Variants in SIMC1 observed in about 807,000 individuals in gnomAD.
The protein encoded by SIMC1 is SUMO interacting motifs containing 1, also known as SUMO-interacting motif-containing protein 1.
SIMC1 carries 55 observed loss-of-function variants against 82.3 expected under a neutral mutation model. The observed-to-expected ratio is 0.67, with a 90% CI of 0.54 to 0.84. SIMC1 has a LOEUF of 0.84. Among genes scored for constraint, SIMC1 ranks in the 40% least tolerant of loss-of-function variants. The probability of loss-of-function intolerance (pLI) is 0.00; values close to 1 mark genes in which losing one functional copy is unlikely to be tolerated. For synonymous variants in SIMC1, 353 were observed against 426.3 expected (o/e 0.83, Z 2.12); for missense variants, 915 against 1,107.2 (o/e 0.83, Z 2.46).
intron 7 of SIMC1, among the ~76,000 whole-genome samples, chr5:176,336,141 G>A (rs1337788407): frequency 6.6e-6 from 1 of 151,980 alleles, no homozygotes; most frequent in Non-Finnish European, 1.5e-5. Flanking sequence ...GAAAGAAAGA[G>A]AGAAATACCT....
Position 176,336,888 on chromosome 5 carries a change from C to T in SIMC1, c.2328+12C>T. 1 of 1,613,840 alleles carries T rather than the reference C, an allele frequency of 6.2e-7. No homozygotes were observed. Among genetic ancestry groups the T allele is most frequent in the Non-Finnish European group, 8.5e-7 (1 of 1,179,832 alleles). On this transcript the variant is annotated intron_variant, in intron 8 of 9. Transcript: ENST00000429602. ...TGCTCAAGTGTCAGGTACATTTTTT[C>T]CTGCCCAATTTCAGGCCTAGAGCAC...
intron 7 of SIMC1, among the ~76,000 whole-genome samples, chr5:176,330,089 T>C (rs1349389730): frequency 1.3e-5 from 2 of 152,032 alleles, no homozygotes; most frequent in South Asian, 2.1e-4. Context: ...TCTTTGTTTT[T>C]AAATTCCAGT....
At chr5:176,242,741 C>T (rs1761314595) in intron 1 of SIMC1, among the ~76,000 whole-genome samples, 1 of 152,020 alleles carries the variant, frequency 6.6e-6, no homozygotes, top group South Asian at 2.1e-4. Context: ...CTAGTCACCC[C>T]TAGGTATTGT....
At chr5:176,287,891 TAGAG>T (rs1581257084) in intron 1 of SIMC1, among the ~76,000 whole-genome samples, 1 of 151,996 alleles carries the variant, frequency 6.6e-6, no homozygotes, top group Non-Finnish European at 1.5e-5. Context: ...TTCTTGAGGA[TAGAG>T]AGAGAGGTTT....
chr5:176,343,466 T>G (rs1329066378), intron 9 of SIMC1, among the ~76,000 whole-genome samples: 4 of 152,228 alleles, frequency 2.6e-5, no homozygotes, highest in Non-Finnish European at 5.9e-5. Flanking sequence ...GCCTGTAGAT[T>G]TGGGATGAGA....
intron 5 of SIMC1, among the ~76,000 whole-genome samples, chr5:176,321,397 C>T (rs187946616): frequency 2.6e-5 from 4 of 151,358 alleles, no homozygotes; most frequent in East Asian, 1.9e-4. Context: ...GAGCCGAGAT[C>T]GCACCACTGC....
chr5:176,343,297 A>G (rs1002506162), intron 9 of SIMC1, among the ~76,000 whole-genome samples: 21 of 152,208 alleles, frequency 1.4e-4, no homozygotes, highest in African/African-American at 4.8e-4. Context: ...TGAAAGTGCC[A>G]TCATCCCCGT....
chr5:176,279,857 G>T (rs1290615796), intron 1 of SIMC1, among the ~76,000 whole-genome samples: 1 of 152,082 alleles, frequency 6.6e-6, no homozygotes, highest in East Asian at 1.9e-4. Flanking sequence ...TGTAATCTCT[G>T]TTCTTTTACA....
intron 1 of SIMC1, among the ~76,000 whole-genome samples, chr5:176,269,949 G>T (rs1272193273): frequency 2.0e-5 from 3 of 151,578 alleles, no homozygotes; most frequent in South Asian, 2.1e-4. Flanking sequence ...TAGAGACAAG[G>T]TCTTGCTTTG....
At position 176,335,454 on chromosome 5, in the gene SIMC1, T is replaced by G. The variant is rs556686957; in HGVS notation, c.2172-1266T>G. Among the ~76,000 whole-genome samples, 554 of 151,804 alleles carry G rather than the reference T, an allele frequency of 3.6e-3. 3 individuals carry two copies. Among genetic ancestry groups the G allele is most frequent in the African/African-American group, 0.013 (526 of 41,424 alleles). ...ACCACGCCTGGCTAATTTTTTGTGTTTTAGTAGAGACAGGGTATCACCGTT... is the reference window on the plus strand; with the variant it reads ...ACCACGCCTGGCTAATTTTTTGTGTGTTAGTAGAGACAGGGTATCACCGTT... On this transcript the variant is annotated intron_variant, in intron 7 of 9. Transcript: ENST00000429602.
At chr5:176,286,093 T>G (rs1763265951) in intron 1 of SIMC1, among the ~76,000 whole-genome samples, 1 of 152,274 alleles carries the variant, frequency 6.6e-6, no homozygotes, top group Admixed American at 6.5e-5. Flanking sequence ...GCCATCTCCA[T>G]GAAGCTACCA....
At position 176,256,883 on chromosome 5, in the gene SIMC1, T is replaced by C. The variant is rs190081322; in HGVS notation, c.129+18246T>C. On this transcript the variant is annotated intron_variant, in intron 1 of 9. Transcript: ENST00000429602. ...CAAGTCTCCTGAGTAGGCAGGACTATAGGCAAACACCACCATGCCTGGCTA... is the reference window on the plus strand; with the variant it reads ...CAAGTCTCCTGAGTAGGCAGGACTACAGGCAAACACCACCATGCCTGGCTA... Among the ~76,000 whole-genome samples, 147 of 152,264 alleles carry C rather than the reference T, an allele frequency of 9.7e-4. No homozygotes were observed. In the Middle Eastern group the frequency reaches 0.01, roughly 11 times the overall value.
chr5:176,319,905 A>G (rs1765084846), intron 5 of SIMC1, among the ~76,000 whole-genome samples: 1 of 152,198 alleles, frequency 6.6e-6, no homozygotes, highest in African/African-American at 2.4e-5. Flanking sequence ...TAGTCTATCC[A>G]TATTTAAAGG....
chr5:176,305,733 G>A (rs1226547960), intron 4 of SIMC1, among the ~76,000 whole-genome samples: 1 of 78,030 alleles, frequency 1.3e-5, no homozygotes, highest in East Asian at 3.9e-4. Context: ...CGCCCGGCCA[G>A]CCGCCCCGTC....
intron 9 of SIMC1, among the ~76,000 whole-genome samples, chr5:176,338,704 G>A (rs1305017133): frequency 1.3e-5 from 2 of 151,544 alleles, no homozygotes; most frequent in East Asian, 1.9e-4. Context: ...TCATATTTAT[G>A]TTTATTTTAA....
chr5:176,335,084 G>A (rs955977890), intron 7 of SIMC1, among the ~76,000 whole-genome samples: 5 of 150,520 alleles, frequency 3.3e-5, no homozygotes, highest in Admixed American at 1.3e-4. Context: ...GCAAAAGAGC[G>A]AAACTCTGTC....
intron 1 of SIMC1, among the ~76,000 whole-genome samples, chr5:176,245,449 G>A (rs1224561087): frequency 2.6e-5 from 4 of 152,162 alleles, no homozygotes; most frequent in Non-Finnish European, 5.9e-5. Flanking sequence ...ACTGTGAGGG[G>A]ATAAATTTCT....
At chr5:176,294,726 G>T (rs778400991) in intron 2 of SIMC1, among the ~76,000 whole-genome samples, 7 of 151,762 alleles carry the variant, frequency 4.6e-5, no homozygotes, top group Non-Finnish European at 8.8e-5. Flanking sequence ...ACTTTGGGAG[G>T]CTGAGACAGG....
rs758326673 is a variant in SIMC1, at chr5:176,290,318, C to T, written c.794C>T (p.Pro265Leu). The T allele has an allele frequency of 6.2e-7, 1 of 1,613,942 alleles. No individual in the cohort carries two copies. Among genetic ancestry groups the T allele is most frequent in the Non-Finnish European group, 8.5e-7 (1 of 1,179,874 alleles). Residue 265 changes from proline (P) to leucine (L), a missense_variant, in exon 2 of 10, where the codon CCT becomes CTT. Pro to Leu is a moderately conservative substitution (Grantham distance 98). Around this residue, in one of 2 missense-constraint regions of SIMC1, gnomAD observed 902 missense variants for 1,040.3 expected, o/e 0.87. Coordinates refer to ENST00000429602, the MANE Select transcript of SIMC1 (RefSeq NM_001308195.2). The part of the protein sequence containing the change: ...QCQLPALTHP[P>L]QEVPCPRQNI... The stretch of plus-strand genomic sequence containing the variant: ...CAACTACCAGCTCTAACTCACCCAC[C>T]TCAAGAAGTGCCATGCCCTCGGCAG...
Sources: gnomAD v4.1 joint callset for allele counts (sites outside exome capture counted in the v4.1 genomes callset) on GRCh38, gnomAD v4.1.1 for gene constraint, gnomAD v4.1.1 regional missense constraint, MANE v1.5 for transcripts, NCBI Gene and HGNC (gene_info 2026-07-23, HGNC 2026-07-21) for gene names.